Variants in VTI1A observed in about 807,000 individuals in gnomAD.
VTI1A encodes vesicle transport through interaction with t-SNAREs homolog 1A.
Under a neutral mutation model 34.9 loss-of-function variants are expected in VTI1A, and 22 were observed. The observed-to-expected ratio is 0.63, with a 90% CI of 0.45 to 0.90. The LOEUF is 0.90. Ranked by LOEUF, VTI1A falls within the 40% of genes least tolerant of loss-of-function variation. The pLI, the probability that VTI1A is intolerant of heterozygous loss-of-function variation, is 0.00. For missense variants in VTI1A, 268 were observed against 275.6 expected, an observed-to-expected ratio of 0.97 and a Z score of 0.20; for synonymous variants, 87 against 97.3, an observed-to-expected ratio of 0.89 and a Z score of 0.62.
chr10:112,688,642 C>G (rs1242863979), intron 7 of VTI1A, among the ~76,000 whole-genome samples: 1 of 151,854 alleles, frequency 6.6e-6, no homozygotes, highest in East Asian at 1.9e-4. Flanking sequence ...CTGCCTCAGC[C>G]TCCCTAGTAC....
chr10:112,811,738 AG>A (rs1357478120), intron 7 of VTI1A, among the ~76,000 whole-genome samples: 1 of 145,168 alleles, frequency 6.9e-6, no homozygotes, highest in Non-Finnish European at 1.5e-5. Context: ...CTGGAAGTAG[AG>A]GAGAACTGGC....
At chr10:112,752,665 G>C in intron 7 of VTI1A, 4 of 715,590 alleles carry the variant, frequency 5.6e-6, no homozygotes, top group Non-Finnish European at 5.1e-6. Flanking sequence ...ACAGCTTCTA[G>C]AATAGATGTT....
intron 5 of VTI1A, among the ~76,000 whole-genome samples, chr10:112,666,323 A>G (rs1376587782): frequency 6.6e-6 from 1 of 152,228 alleles, no homozygotes; most frequent in East Asian, 1.9e-4. Flanking sequence ...TATATTTATG[A>G]TAGTGTATGT....
chr10:112,469,868 AC>A (rs1208727619), intron 3 of VTI1A, among the ~76,000 whole-genome samples: 3 of 151,890 alleles, frequency 2.0e-5, no homozygotes, highest in African/African-American at 7.3e-5. Flanking sequence ...TCTCACCATT[AC>A]CCTGCTATGT....
At chr10:112,728,331 G>A (rs989089896) in intron 7 of VTI1A, among the ~76,000 whole-genome samples, 3 of 152,214 alleles carry the variant, frequency 2.0e-5, no homozygotes, top group African/African-American at 7.2e-5. Flanking sequence ...CCTGGTTTAT[G>A]TTTATCAACA....
chr10:112,467,187 A>T (rs1847925031), intron 3 of VTI1A, among the ~76,000 whole-genome samples: 1 of 152,120 alleles, frequency 6.6e-6, no homozygotes, highest in Non-Finnish European at 1.5e-5. Flanking sequence ...TCTGTGGCTT[A>T]TAAGTCAGCT....
the VTI1A span, among the ~76,000 whole-genome samples, chr10:112,844,924 G>A: frequency 1.4e-4 from 21 of 152,158 alleles, no homozygotes; most frequent in Non-Finnish European, 2.6e-4. Flanking sequence ...TTCACATAGG[G>A]TTTTCTGCTC....
intron 5 of VTI1A, among the ~76,000 whole-genome samples, chr10:112,549,911 C>T (rs1333952607): frequency 6.6e-6 from 1 of 152,108 alleles, no homozygotes; most frequent in African/African-American, 2.4e-5. Context: ...GGGCAAAGCT[C>T]TTAAAGAGTA....
chr10:112,805,732 G>T (rs1853050530), intron 7 of VTI1A, among the ~76,000 whole-genome samples: 1 of 152,146 alleles, frequency 6.6e-6, no homozygotes, highest in Non-Finnish European at 1.5e-5. Flanking sequence ...ATGAGGGAAT[G>T]CATCTACAAG....
chr10:112,542,076 A>T (rs1352512171), intron 5 of VTI1A, among the ~76,000 whole-genome samples: 3 of 152,126 alleles, frequency 2.0e-5, no homozygotes, highest in Admixed American at 6.5e-5. Flanking sequence ...TCAGGGACTT[A>T]ATACTCAAAA....
intron 7 of VTI1A, among the ~76,000 whole-genome samples, chr10:112,738,101 T>C (rs754894876): frequency 4.6e-5 from 7 of 152,222 alleles, no homozygotes; most frequent in Non-Finnish European, 8.8e-5. Context: ...GAGAATGGAA[T>C]GTAGGAAGGG....
intron 3 of VTI1A, among the ~76,000 whole-genome samples, chr10:112,498,536 TA>T (rs991561695): frequency 2.3e-4 from 34 of 150,122 alleles, no homozygotes; most frequent in Non-Finnish European, 3.9e-4. Context: ...TCTTCTTTCT[TA>T]AAAAAAAAAT....
chr10:112,502,749 T>C (rs1252335995), intron 3 of VTI1A, among the ~76,000 whole-genome samples: 1 of 152,228 alleles, frequency 6.6e-6, no homozygotes, highest in Non-Finnish European at 1.5e-5. Flanking sequence ...CCTCAAGGAT[T>C]GAGAGATCGT....
At chr10:112,712,436 C>G (rs1341157712) in intron 7 of VTI1A, among the ~76,000 whole-genome samples, 2 of 149,660 alleles carry the variant, frequency 1.3e-5, no homozygotes, top group African/African-American at 4.9e-5. Flanking sequence ...TCTATGTGGT[C>G]TAAATGATAT....
At chr10:112,472,507 T>G (rs1218052926) in intron 3 of VTI1A, among the ~76,000 whole-genome samples, 1 of 152,186 alleles carries the variant, frequency 6.6e-6, no homozygotes, top group Non-Finnish European at 1.5e-5. Context: ...GTATCTGAGT[T>G]TATGAGTAAA....
chr10:112,830,843 ATATATAT>A, the VTI1A span, among the ~76,000 whole-genome samples: 10 of 45,212 alleles, frequency 2.2e-4, no homozygotes, highest in East Asian at 3.2e-3. Flanking sequence ...ATATATATAT[ATATATAT>A]TTTTTTTTTT....
At chr10:112,518,571 C>A (rs1251144258) in intron 3 of VTI1A, among the ~76,000 whole-genome samples, 84 of 121,806 alleles carry the variant, frequency 6.9e-4, no homozygotes, top group African/African-American at 2.2e-3. Flanking sequence ...CTCTCTCTCT[C>A]TCTCTCTCTC....
chr10:112,647,603 AC>A (rs1297852900), intron 5 of VTI1A, among the ~76,000 whole-genome samples: 2 of 152,198 alleles, frequency 1.3e-5, no homozygotes, highest in African/African-American at 4.8e-5. Context: ...ATATGTGTGG[AC>A]TATATTGTGT....
intron 7 of VTI1A, among the ~76,000 whole-genome samples, chr10:112,710,590 A>C (rs1849378035): frequency 6.6e-6 from 1 of 152,236 alleles, no homozygotes; most frequent in Non-Finnish European, 1.5e-5. Context: ...GTTTATATAA[A>C]AGCATGGAAT....
Sources: gnomAD v4.1 joint callset for allele counts (sites outside exome capture counted in the v4.1 genomes callset) on GRCh38, gnomAD v4.1.1 for gene constraint, MANE v1.5 for transcripts, NCBI Gene and HGNC (gene_info 2026-07-23, HGNC 2026-07-21) for gene names.